Variants in PRKCI observed in about 807,000 individuals in gnomAD.
PRKCI encodes protein kinase C iota, also known as protein kinase C iota type.
In PRKCI, 43 loss-of-function variants were observed where a neutral mutation model predicts 84.0. The observed-to-expected ratio is 0.51, with a 90% CI of 0.40 to 0.66. PRKCI has a LOEUF of 0.66. PRKCI is among the 30% of genes least tolerant of loss of function. PRKCI has a pLI of 0.00. For synonymous variants in PRKCI, 216 were observed against 234.4 expected, an observed-to-expected ratio of 0.92 and a Z score of 0.72; for missense variants, 459 against 745.6, an observed-to-expected ratio of 0.62 and a Z score of 4.48.
chr3:170,297,980 A>G (rs749889825), intron 16 of PRKCI, among the ~76,000 whole-genome samples: 23 of 151,148 alleles, frequency 1.5e-4, no homozygotes, highest in Non-Finnish European at 2.2e-4. Context: ...GGTTCAAGCA[A>G]TTCTGCCTCA....
At chr3:170,253,941 A>G (rs1733518533) in intron 2 of PRKCI, among the ~76,000 whole-genome samples, 1 of 151,166 alleles carries the variant, frequency 6.6e-6, no homozygotes, top group Non-Finnish European at 1.5e-5. Context: ...TACTAAAACT[A>G]CAAAAATTAG....
At chr3:170,285,750 T>G (rs1329139256) in intron 12 of PRKCI, among the ~76,000 whole-genome samples, 2 of 129,430 alleles carry the variant, frequency 1.5e-5, no homozygotes, top group Middle Eastern at 3.6e-3. Flanking sequence ...ATTATTGTTG[T>G]TTTTTTTTTT....
chr3:170,274,641 A>C (rs949824958), intron 7 of PRKCI, among the ~76,000 whole-genome samples: 1 of 152,214 alleles, frequency 6.6e-6, no homozygotes, highest in African/African-American at 2.4e-5. Flanking sequence ...CAAGAAAGGG[A>C]AAACAAGGGA....
chr3:170,235,657 C>T (rs1373278938), intron 2 of PRKCI, among the ~76,000 whole-genome samples: 4 of 151,502 alleles, frequency 2.6e-5, no homozygotes, highest in Admixed American at 1.3e-4. Context: ...CCTCCACCTC[C>T]CGGGTTCAAG....
intron 16 of PRKCI, among the ~76,000 whole-genome samples, chr3:170,298,402 ATTT>A (rs1207108049): frequency 3.9e-5 from 5 of 129,576 alleles, no homozygotes; most frequent in Non-Finnish European, 6.7e-5. Context: ...CTAATTTTCA[ATTT>A]TTTTTTTTTT....
At chr3:170,254,706 A>G (rs980165889) in intron 2 of PRKCI, among the ~76,000 whole-genome samples, 1 of 152,170 alleles carries the variant, frequency 6.6e-6, no homozygotes, top group Non-Finnish European at 1.5e-5. Flanking sequence ...TGCCAGCACC[A>G]TCCTGCTTTG....
In PRKCI at chr3:170,295,964, A is replaced by G. The variant is rs1302542745; in HGVS notation, c.1471A>G (p.Ser491Gly). 1.9e-6 allele frequency: 3 copies of G among 1,564,168 alleles called. No individual in the cohort carries two copies. The highest frequency in any genetic ancestry group is 1.7e-6 in the Non-Finnish European group (2 of 1,150,170). The change falls in exon 15 of 18, where the codon AGT becomes GGT. Residue 491 changes from serine (S) to glycine (G), a missense_variant. By Grantham distance (56) the Ser-to-Gly change is moderately conservative (BLOSUM62 0). Transcript: ENST00000295797. ...IPRSLSVKAA[S>G]VLKSFLNKDP... ...ACGTTCTCTGTCTGTAAAAGCTGCA[A>G]GTGTTCTGAAGAGTTTTCTTAATAA...
At chr3:170,260,517 A>G (rs1162362946) in intron 3 of PRKCI, among the ~76,000 whole-genome samples, 1 of 152,200 alleles carries the variant, frequency 6.6e-6, no homozygotes, top group Non-Finnish European at 1.5e-5. Flanking sequence ...GTTGGAGTAC[A>G]GTGGTATGAT....
intron 12 of PRKCI, among the ~76,000 whole-genome samples, chr3:170,288,827 C>G (rs936111305): frequency 1.3e-5 from 2 of 152,110 alleles, no homozygotes; most frequent in Admixed American, 1.3e-4. Context: ...AGTTTGAATG[C>G]TCTTTTATGA....
At chr3:170,297,909 T>G (rs1231593711) in intron 16 of PRKCI, among the ~76,000 whole-genome samples, 2 of 152,136 alleles carry the variant, frequency 1.3e-5, no homozygotes, top group African/African-American at 2.4e-5. Flanking sequence ...GGAGTCTCAT[T>G]CTGTCACCCA....
chr3:170,252,265 A>T (rs1467773387), intron 2 of PRKCI, among the ~76,000 whole-genome samples: 1 of 151,470 alleles, frequency 6.6e-6, no homozygotes. Context: ...GAATGAATGT[A>T]TGTGTCATAA....
chr3:170,235,764 G>A (rs1166726866), intron 2 of PRKCI, among the ~76,000 whole-genome samples: 2 of 151,536 alleles, frequency 1.3e-5, no homozygotes, highest in Admixed American at 1.3e-4. Context: ...CGGGGGTTTC[G>A]CTATGTTGGC....
chr3:170,234,031 CTTTT>C (rs386398519), intron 1 of PRKCI, among the ~76,000 whole-genome samples: 2 of 93,334 alleles, frequency 2.1e-5, no homozygotes, highest in Admixed American at 1.5e-4. Flanking sequence ...TATACTTACA[CTTTT>C]TTTTTTTTTT....
rs566827311 is a variant in PRKCI, at chr3:170,300,876, G to T, written c.1703+1766G>T. On this transcript the variant is annotated intron_variant, in intron 17 of 17. Coordinates refer to ENST00000295797, the MANE Select transcript of PRKCI (RefSeq NM_002740.6). ...GCCTTGGGTAGCACTGCCTATTCTG[G>T]TTCTGTTTCATCTCTGTGACTACTT... is the stretch of plus-strand genomic sequence containing the variant. Among the ~76,000 whole-genome samples the T allele has an allele frequency of 7.9e-5, 12 of 152,064 alleles. No homozygotes were observed. The South Asian group carries it at 2.5e-3, about 32-fold the overall frequency.
At chr3:170,262,428 G>A (rs1414451915) in intron 3 of PRKCI, among the ~76,000 whole-genome samples, 1 of 152,168 alleles carries the variant, frequency 6.6e-6, no homozygotes, top group Non-Finnish European at 1.5e-5. Flanking sequence ...ATGTAACAGG[G>A]ACTGGAATTA....
chr3:170,284,865 T>C (rs1734333443), intron 12 of PRKCI, among the ~76,000 whole-genome samples: 1 of 152,156 alleles, frequency 6.6e-6, no homozygotes, highest in Non-Finnish European at 1.5e-5. Context: ...TGAAGACAAT[T>C]TGGAAATAAA....
At chr3:170,279,183 A>C (rs1734187567) in intron 8 of PRKCI, among the ~76,000 whole-genome samples, 1 of 152,196 alleles carries the variant, frequency 6.6e-6, no homozygotes, top group African/African-American at 2.4e-5. Flanking sequence ...CACACCACCA[A>C]CATCCGGCTA....
chr3:170,243,835 C>T (rs570240068), intron 2 of PRKCI, among the ~76,000 whole-genome samples: 33 of 152,330 alleles, frequency 2.2e-4, no homozygotes, highest in African/African-American at 7.9e-4. Context: ...TGCCCCAGCT[C>T]TGTTCTTCAG....
chr3:170,281,039 G>A, intron 9 of PRKCI, 127 bp from the exon 10 acceptor site: 2 of 653,096 alleles, frequency 3.1e-6, no homozygotes, highest in Non-Finnish European at 5.1e-6. Context: ...TTCGTTTCAT[G>A]ATTATCAATG....
Sources: allele counts gnomAD v4.1 joint callset (sites outside exome capture counted in the v4.1 genomes callset), GRCh38; gene constraint gnomAD v4.1.1; transcripts MANE v1.5; gene names NCBI Gene and HGNC (gene_info 2026-07-23, HGNC 2026-07-21).